The following CAST variants were observed in gnomAD, a reference collection of about 807,000 sequenced individuals.
The protein encoded by CAST is calpastatin.
A neutral mutation model predicts 119.6 loss-of-function variants in CAST; 76 were observed. The observed-to-expected ratio is 0.64, with a 90% confidence interval of 0.53 to 0.77. The LOEUF (loss-of-function observed/expected upper bound fraction) is 0.77. Among genes scored for constraint, CAST ranks in the 30% least tolerant of loss-of-function variants. The pLI, the probability that CAST is intolerant of heterozygous loss-of-function variation, is 0.00. For missense variants in CAST, 953 were observed against 946.5 expected (o/e 1.01, Z -0.09); for synonymous variants, 319 against 331.6 (o/e 0.96, Z 0.41).
chr5:95,993,411 A>T, the CAST span, among the ~76,000 whole-genome samples: 1 of 152,298 alleles, frequency 6.6e-6, no homozygotes, highest in South Asian at 2.1e-4. Context: ...TTGTACTGCA[A>T]GGGACATTTG....
At chr5:96,114,116 A>G in the CAST span, among the ~76,000 whole-genome samples, 4 of 152,214 alleles carry the variant, frequency 2.6e-5, no homozygotes, top group Non-Finnish European at 5.9e-5. Flanking sequence ...AAGGTAAAAC[A>G]TTTTTAGGCA....
At chr5:96,334,933 T>C in the CAST span, among the ~76,000 whole-genome samples, 3 of 152,316 alleles carry the variant, frequency 2.0e-5, no homozygotes, top group African/African-American at 7.2e-5. Context: ...ATTTCTTGCC[T>C]CACCCATGCC....
rs1772404122 is a variant in CAST, at chr5:96,771,696, G to C, written c.*17G>C. The C allele has an allele frequency of 3.1e-6, 5 of 1,604,034 alleles. No homozygotes were observed. The highest frequency in any genetic ancestry group is 1.7e-5 in the Admixed American group (1 of 59,852). On this transcript the variant is annotated 3_prime_UTR_variant, in exon 31 of 32. Coordinates refer to ENST00000675179, the MANE Select transcript of CAST (RefSeq NM_001750.7). ...GATGACTAAAGAAATACAAGTTAAG[G>C]TATCTGGTAAGTTGGGTGTTTATTT...
intron 3 of CAST, among the ~76,000 whole-genome samples, chr5:96,712,098 A>C (rs181954629): frequency 6.6e-6 from 1 of 152,370 alleles, no homozygotes; most frequent in African/African-American, 2.4e-5. Flanking sequence ...TATTTACAGC[A>C]GTTTCAAATT....
intron 3 of CAST, among the ~76,000 whole-genome samples, chr5:96,698,718 G>A (rs1258016632): frequency 6.6e-6 from 1 of 152,096 alleles, no homozygotes; most frequent in Non-Finnish European, 1.5e-5. Context: ...GGCACACACA[G>A]GCAAAATAAT....
chr5:96,221,369 C>T, the CAST span, among the ~76,000 whole-genome samples: 1 of 152,040 alleles, frequency 6.6e-6, no homozygotes, highest in Non-Finnish European at 1.5e-5. Context: ...CCTAAAGGCT[C>T]CATCATAACC....
the CAST span, among the ~76,000 whole-genome samples, chr5:96,034,266 C>T: frequency 8.6e-5 from 13 of 151,962 alleles, no homozygotes; most frequent in African/African-American, 2.7e-4. Context: ...CATCACCTCA[C>T]GTCTGTTAGA....
the CAST span, chr5:95,970,230 T>C: frequency 6.6e-6 from 1 of 152,204 alleles, no homozygotes; most frequent in Non-Finnish European, 1.5e-5. Context: ...ACCTTACTCA[T>C]TGGGAATGGC....
the CAST span, among the ~76,000 whole-genome samples, chr5:96,405,118 A>G: frequency 1.3e-5 from 2 of 152,328 alleles, no homozygotes; most frequent in East Asian, 1.9e-4. Context: ...AAAATGTTCA[A>G]TTGAGAACAG....
the CAST span, among the ~76,000 whole-genome samples, chr5:96,253,039 T>A: frequency 6.6e-6 from 1 of 152,086 alleles, no homozygotes; most frequent in African/African-American, 2.4e-5. Flanking sequence ...TGGGATCATA[T>A]CTCCTGTGTT....
In CAST at chr5:96,534,880, AAAAG is replaced by A. The variant is rs1156985758; in HGVS notation, c.60+5011_60+5014del. ...GGGAGGGAAGGAAGGAGAAAGAAAGAAAAGAAAGAAAGAAGGAAAGAAGGAAGGA... is the reference window on the plus strand; with the variant it reads ...GGGAGGGAAGGAAGGAGAAAGAAAGAAAAGAAAGAAGGAAAGAAGGAAGGA... On this transcript the variant is annotated intron_variant, in intron 1 of 11. Transcript: ENST00000505143. Among the ~76,000 whole-genome samples, 12 of 141,658 alleles carry A rather than the reference AAAAG, an allele frequency of 8.5e-5. 1 individual carries two copies. The highest frequency in any genetic ancestry group is 6.2e-5 in the Non-Finnish European group (4 of 64,628). The allele number at this position is 141,658 out of a possible 152,430, so 92.9% of individuals were successfully genotyped here.
At chr5:96,342,415 G>T in the CAST span, among the ~76,000 whole-genome samples, 1 of 152,166 alleles carries the variant, frequency 6.6e-6, no homozygotes, top group African/African-American at 2.4e-5. Context: ...AATGCAGCGG[G>T]GCTGGATTGG....
At chr5:96,493,522 C>T in the CAST span, among the ~76,000 whole-genome samples, 6 of 152,144 alleles carry the variant, frequency 3.9e-5, no homozygotes, top group African/African-American at 1.4e-4. Flanking sequence ...GTAGCTCAGT[C>T]CCTTGGAAAT....
chr5:96,208,930 CT>C, the CAST span, among the ~76,000 whole-genome samples: 1 of 151,862 alleles, frequency 6.6e-6, no homozygotes, highest in African/African-American at 2.4e-5. Flanking sequence ...ATGTTGACAT[CT>C]CCTATTATTA....
the CAST span, among the ~76,000 whole-genome samples, chr5:96,306,854 C>T: frequency 5.5e-4 from 83 of 151,950 alleles, 1 homozygote; most frequent in African/African-American, 1.6e-3. Context: ...TTTGCTGAGG[C>T]GTGTTTTACT....
At chr5:96,028,371 A>G in the CAST span, among the ~76,000 whole-genome samples, 9 of 152,084 alleles carry the variant, frequency 5.9e-5, no homozygotes, top group African/African-American at 2.2e-4. Flanking sequence ...TTCTTTAAAG[A>G]ATAATATTTT....
the CAST span, among the ~76,000 whole-genome samples, chr5:96,225,075 G>A: frequency 6.6e-6 from 1 of 152,266 alleles, no homozygotes; most frequent in South Asian, 2.1e-4. Flanking sequence ...TTCTAGCTTC[G>A]ATCTTACATC....
chr5:96,272,283 C>A, the CAST span, among the ~76,000 whole-genome samples: 2 of 152,084 alleles, frequency 1.3e-5, no homozygotes, highest in Non-Finnish European at 2.9e-5. Context: ...GTAAGGAAAT[C>A]AATATATTGA....
chr5:96,399,119 G>T, the CAST span: 1 of 979,706 alleles, frequency 1.0e-6, no homozygotes, highest in Non-Finnish European at 1.6e-6. Context: ...CATCAATCTT[G>T]ACTAGATGCT....
Sources: allele counts gnomAD v4.1 joint callset (sites outside exome capture counted in the v4.1 genomes callset), GRCh38; gene constraint gnomAD v4.1.1; transcripts MANE v1.5; gene names NCBI Gene and HGNC (gene_info 2026-07-23, HGNC 2026-07-21).